MYT1L: variants seen among roughly 807,000 people sequenced by gnomAD.
MYT1L encodes myelin transcription factor 1-like protein.
A neutral mutation model predicts 126.7 loss-of-function variants in MYT1L; 12 were observed. The ratio of observed to expected loss-of-function variants is 0.09; its 90% CI spans 0.06 to 0.15. The LOEUF is 0.15. MYT1L is among the 10% of genes least tolerant of loss of function. MYT1L has a pLI of 1.00. For missense variants in MYT1L, 979 were observed against 1,585.2 expected, an observed-to-expected ratio of 0.62 and a Z score of 6.49; for synonymous variants, 541 against 604.2, an observed-to-expected ratio of 0.90 and a Z score of 1.53.
At chr2:2,318,231 C>A (rs1199729634) in intron 1 of MYT1L, among the ~76,000 whole-genome samples, 1 of 152,082 alleles carries the variant, frequency 6.6e-6, no homozygotes, top group Non-Finnish European at 1.5e-5. Context: ...TGATATTTAC[C>A]ATTTGGAATA....
intron 2 of MYT1L, among the ~76,000 whole-genome samples, chr2:2,263,128 T>C (rs2095030866): frequency 1.3e-5 from 2 of 151,366 alleles, no homozygotes; most frequent in African/African-American, 2.4e-5. Context: ...TTGGAGAAGG[T>C]AGTCATATTT....
intron 21 of MYT1L, among the ~76,000 whole-genome samples, chr2:1,818,640 C>T (rs577697118): frequency 9.2e-5 from 14 of 152,206 alleles, no homozygotes; most frequent in African/African-American, 3.4e-4. Context: ...CCGGTCGCCA[C>T]GAGAGCAGCT....
intron 8 of MYT1L, among the ~76,000 whole-genome samples, chr2:1,966,937 A>AT (rs896117924): frequency 9.9e-5 from 15 of 152,172 alleles, no homozygotes; most frequent in South Asian, 8.3e-4. Flanking sequence ...ACAATAGATT[A>AT]TTTTTTTTCT....
At chr2:1,965,634 A>G (rs2059291647) in intron 8 of MYT1L, among the ~76,000 whole-genome samples, 2 of 152,230 alleles carry the variant, frequency 1.3e-5, no homozygotes, top group African/African-American at 4.8e-5. Context: ...GGGAAGCCAG[A>G]GAAGAGAGTA....
chr2:2,057,896 T>C (rs76087247), intron 3 of MYT1L, among the ~76,000 whole-genome samples: 4,775 of 152,304 alleles, frequency 0.031, 83 homozygotes, highest in Middle Eastern at 0.068. Flanking sequence ...AAAGCTTCTG[T>C]AAAGATGTGT....
chr2:1,815,336 A>G lies in MYT1L; in HGVS notation c.3081-6169T>C, dbSNP rs140298894. Among the ~76,000 whole-genome samples, 6 of 152,170 alleles carry G rather than the reference A, an allele frequency of 3.9e-5. No homozygotes were observed. In the East Asian group the frequency reaches 1.2e-3, roughly 29 times the overall value. On this transcript the variant is annotated intron_variant, in intron 21 of 24. Transcript: ENST00000647738. ...AGCAGCATCAACAGGCCCCTTCCCC[A>G]TCCTCTCTGTCGCTGGGGTCCCTCC...
chr2:2,014,292 T>C (rs931513333), intron 4 of MYT1L, among the ~76,000 whole-genome samples: 4 of 152,006 alleles, frequency 2.6e-5, no homozygotes, highest in Non-Finnish European at 5.9e-5. Flanking sequence ...GCCCTTGTCC[T>C]TGTGAACCGC....
intron 1 of MYT1L, among the ~76,000 whole-genome samples, chr2:2,328,307 A>G (rs1380264489): frequency 6.6e-6 from 1 of 152,222 alleles, no homozygotes; most frequent in Non-Finnish European, 1.5e-5. Flanking sequence ...AAATAGAAAC[A>G]TTTTCAAGAG....
chr2:2,253,407 C>T (rs527590636), intron 2 of MYT1L, among the ~76,000 whole-genome samples: 1 of 152,362 alleles, frequency 6.6e-6, no homozygotes, highest in African/African-American at 2.4e-5. Context: ...ATAGTCCACA[C>T]AGAGCATTGC....
chr2:2,296,300 C>A (rs2095692641), intron 1 of MYT1L, among the ~76,000 whole-genome samples: 1 of 151,836 alleles, frequency 6.6e-6, no homozygotes, highest in Non-Finnish European at 1.5e-5. Context: ...TCCAAAGAGG[C>A]CAATTCTCTA....
chr2:2,328,658 C>A (rs1055899261), intron 1 of MYT1L, among the ~76,000 whole-genome samples: 1 of 152,104 alleles, frequency 6.6e-6, no homozygotes, highest in Non-Finnish European at 1.5e-5. Context: ...ACCAGATAGT[C>A]CTGGTGCATC....
rs900927179 is a variant in MYT1L, at chr2:1,860,299, G to A, written c.2712-8596C>T. Among the ~76,000 whole-genome samples the A allele has an allele frequency of 9.2e-5, 14 of 152,252 alleles. No individual in the cohort carries two copies. In the South Asian group the frequency reaches 2.7e-3, roughly 29 times the overall value. ...CGGAGCCAGTATTGGGGTTGGACTCGGAGGACCCATGCAAAAAAAAAATAC... is the reference window on the plus strand; with the variant it reads ...CGGAGCCAGTATTGGGGTTGGACTCAGAGGACCCATGCAAAAAAAAAATAC... On this transcript the variant is annotated intron_variant, in intron 18 of 24. Coordinates refer to ENST00000647738, the MANE Select transcript of MYT1L (RefSeq NM_001303052.2).
At chr2:2,110,530 G>A (rs73911363) in intron 3 of MYT1L, among the ~76,000 whole-genome samples, 2,892 of 151,734 alleles carry the variant, frequency 0.019, 84 homozygotes, top group African/African-American at 0.063. Flanking sequence ...AGCTTTGCCT[G>A]TCCCTGCCTC....
intron 2 of MYT1L, among the ~76,000 whole-genome samples, chr2:2,239,001 G>C (rs553067563): frequency 6.6e-6 from 1 of 152,322 alleles, no homozygotes; most frequent in Non-Finnish European, 1.5e-5. Context: ...GCCAGCTCCT[G>C]GGGGACCCTG....
At chr2:2,019,359 G>A (rs1477149560) in intron 4 of MYT1L, among the ~76,000 whole-genome samples, 1 of 151,946 alleles carries the variant, frequency 6.6e-6, no homozygotes. Context: ...ATGATTGCGA[G>A]GCCTCCTCAG....
chr2:2,321,596 A>G (rs763363357), intron 1 of MYT1L, among the ~76,000 whole-genome samples: 18 of 152,160 alleles, frequency 1.2e-4, no homozygotes, highest in Non-Finnish European at 1.9e-4. Flanking sequence ...CATTCTGTTG[A>G]GGGCCATTAA....
chr2:2,032,383 C>T (rs1470484790), intron 4 of MYT1L, among the ~76,000 whole-genome samples: 1 of 87,092 alleles, frequency 1.1e-5, no homozygotes, highest in African/African-American at 5.6e-5. Flanking sequence ...CATCCTGTGG[C>T]CCAGAGCAGA....
chr2:1,930,755 T>G (rs1000109497), intron 9 of MYT1L, among the ~76,000 whole-genome samples: 1 of 152,196 alleles, frequency 6.6e-6, no homozygotes, highest in Non-Finnish European at 1.5e-5. Context: ...CTTATAAAAA[T>G]ATTTAGGATT....
chr2:2,282,854 C>G (rs1258532734), intron 2 of MYT1L, among the ~76,000 whole-genome samples: 6 of 152,176 alleles, frequency 3.9e-5, no homozygotes, highest in Non-Finnish European at 7.3e-5. Context: ...GTGGGCAGAC[C>G]ACTTGAGGTC....
Sources: gnomAD v4.1 joint callset for allele counts (sites outside exome capture counted in the v4.1 genomes callset) on GRCh38, gnomAD v4.1.1 for gene constraint, MANE v1.5 for transcripts, NCBI Gene and HGNC (gene_info 2026-07-23, HGNC 2026-07-21) for gene names.